ULK4: variants seen among roughly 807,000 people sequenced by gnomAD.
The protein encoded by ULK4 is unc-51 like kinase 4, also known as inactive serine/threonine-protein kinase ULK4.
In ULK4, 133 loss-of-function variants were observed where a neutral mutation model predicts 160.6. The observed-to-expected ratio is 0.83, with a 90% CI of 0.72 to 0.96. ULK4 has a LOEUF of 0.96. ULK4 is among the 40% of genes least tolerant of loss of function. The pLI is 0.00. For missense variants in ULK4, 1,580 were observed against 1,499.5 expected, an observed-to-expected ratio of 1.05 and a Z score of -0.89; for synonymous variants, 534 against 539.8, an observed-to-expected ratio of 0.99 and a Z score of 0.15.
chr3:41,643,684 T>G (rs940009727), intron 30 of ULK4, among the ~76,000 whole-genome samples: 6 of 152,212 alleles, frequency 3.9e-5, no homozygotes, highest in African/African-American at 1.2e-4. Flanking sequence ...GGCTCTTTTT[T>G]GGTTCCATAT....
At chr3:41,353,723 C>T (rs1256143493) in intron 35 of ULK4, among the ~76,000 whole-genome samples, 9 of 149,366 alleles carry the variant, frequency 6.0e-5, no homozygotes, top group African/African-American at 2.0e-4. Flanking sequence ...ACTACTACTA[C>T]TACTACTACT....
intron 17 of ULK4, among the ~76,000 whole-genome samples, chr3:41,860,573 A>G (rs904774127): frequency 1.3e-5 from 2 of 152,156 alleles, no homozygotes; most frequent in South Asian, 2.1e-4. Flanking sequence ...CTGGCATGGA[A>G]TATTTTTTTC....
rs368853523 is a variant in ULK4 at position 41,935,943 on chromosome 3, G to C, written c.239-3C>G. The C allele has an allele frequency of 4.2e-5, 67 of 1,612,224 alleles. No individual in the cohort carries two copies. In the African/African-American group the frequency reaches 8.4e-4, roughly 20 times the overall value. Reference sequence around the variant, plus strand: ...AATAACTGTTTTTAAGGAACCACCTGCAAGAGGTTGATTAAAATCACCCAT... The same window carrying C: ...AATAACTGTTTTTAAGGAACCACCTCCAAGAGGTTGATTAAAATCACCCAT... On this transcript the variant is annotated splice_polypyrimidine_tract_variant and splice_region_variant and intron_variant, in intron 3 of 36. Coordinates refer to ENST00000301831, the MANE Select transcript of ULK4 (RefSeq NM_017886.4).
chr3:41,568,151 G>GA (rs1254362139), intron 31 of ULK4, among the ~76,000 whole-genome samples: 2 of 152,096 alleles, frequency 1.3e-5, no homozygotes, highest in Admixed American at 1.3e-4. Context: ...GAACAAAACA[G>GA]AAAAAAAGCC....
At chr3:41,698,504 T>G (rs973457474) in intron 27 of ULK4, among the ~76,000 whole-genome samples, 1 of 152,138 alleles carries the variant, frequency 6.6e-6, no homozygotes, top group African/African-American at 2.4e-5. Context: ...TTAGGGATGT[T>G]CAACCAATAA....
chr3:41,726,512 T>C (rs1047875676), intron 22 of ULK4, among the ~76,000 whole-genome samples: 1 of 152,226 alleles, frequency 6.6e-6, no homozygotes, highest in African/African-American at 2.4e-5. Context: ...GCAAATGATA[T>C]TTCTCAGTGT....
At chr3:41,468,341 G>C (rs1181268938) in intron 32 of ULK4, among the ~76,000 whole-genome samples, 3 of 152,160 alleles carry the variant, frequency 2.0e-5, no homozygotes, top group Admixed American at 6.5e-5. Context: ...GGTCGAGTAA[G>C]TCCCAAACAG....
chr3:41,606,106 G>A (rs1418947019), intron 31 of ULK4, among the ~76,000 whole-genome samples: 1 of 151,892 alleles, frequency 6.6e-6, no homozygotes, highest in Non-Finnish European at 1.5e-5. Context: ...AGTGCTTAGG[G>A]GGACATTTTA....
rs200716345 is a variant in ULK4, at chr3:41,724,732, C to CA, written c.2322-6872dup. Reference sequence around the variant, plus strand: ...AGTGAGACTCTGTCTCAAAACAAAACAAAAAAAAAATTCCAGTTTTTCTAT... The same window carrying CA: ...AGTGAGACTCTGTCTCAAAACAAAACAAAAAAAAAAATTCCAGTTTTTCTAT... On this transcript the variant is annotated intron_variant, in intron 22 of 36. Transcript: ENST00000301831. 2.4e-3 allele frequency among the ~76,000 whole-genome samples: 351 copies of CA among 148,538 alleles called. 1 individual carries two copies. The highest frequency in any genetic ancestry group is 7.5e-3 in the African/African-American group (302 of 40,504).
intron 17 of ULK4, among the ~76,000 whole-genome samples, chr3:41,851,003 A>C (rs946511030): frequency 6.6e-6 from 1 of 152,210 alleles, no homozygotes; most frequent in African/African-American, 2.4e-5. Flanking sequence ...TTCTAGATAT[A>C]CAATCATCTC....
chr3:41,715,307 G>T lies in ULK4; in HGVS notation c.2578-14C>A, dbSNP rs2037229473. The T allele has an allele frequency of 1.2e-6, 2 of 1,613,362 alleles. No homozygotes were observed. On this transcript the variant is annotated splice_polypyrimidine_tract_variant and intron_variant, in intron 24 of 36. Transcript: ENST00000301831. ...AGGTCGAAATACCTGTGTGATGAGA[G>T]TTTCTACAGATTAAATTCTGGAAGC... is the stretch of plus-strand genomic sequence containing the variant.
rs966733202 is a variant in ULK4 at position 41,673,707 on chromosome 3, T to TAA, written c.2978+7799_2978+7800dup. ...ATATATACATACATACATATATATA[T>TAA]AACTAAAATATATGTTGGCAAAATG... On this transcript the variant is annotated intron_variant, in intron 29 of 36. Coordinates refer to ENST00000301831, the MANE Select transcript of ULK4 (RefSeq NM_017886.4). Among the ~76,000 whole-genome samples the TAA allele has an allele frequency of 1.1e-4, 16 of 149,890 alleles. No individual in the cohort carries two copies. The East Asian group carries it at 1.8e-3, about 16-fold the overall frequency.
intron 5 of ULK4, among the ~76,000 whole-genome samples, chr3:41,930,895 T>G (rs1054837613): frequency 6.6e-6 from 1 of 152,236 alleles, no homozygotes; most frequent in Admixed American, 6.5e-5. Context: ...TTGGTGGGAA[T>G]GTAGATTGGT....
rs566371284 is a variant in ULK4 at position 41,321,725 on chromosome 3, A to C, written c.3679-72151T>G. Reference sequence around the variant, plus strand: ...ACTAAGAGGCAAAATGGTGGAGTTTAACAAGTGTATGACCTTTCCTGAGGA... The same window carrying C: ...ACTAAGAGGCAAAATGGTGGAGTTTCACAAGTGTATGACCTTTCCTGAGGA... On this transcript the variant is annotated intron_variant, in intron 35 of 36. Transcript: ENST00000301831. Among the ~76,000 whole-genome samples the C allele has an allele frequency of 3.0e-5, 4 of 132,482 alleles. No individual in the cohort carries two copies. In the South Asian group the frequency reaches 6.8e-4, roughly 23 times the overall value. 86.9% of individuals were successfully genotyped at this position (132,482 alleles called of 152,430 possible).
chr3:41,628,119 G>C (rs1454918023), intron 30 of ULK4, among the ~76,000 whole-genome samples: 1 of 152,190 alleles, frequency 6.6e-6, no homozygotes, highest in Non-Finnish European at 1.5e-5. Context: ...AAGAAGTGTA[G>C]TCTAGAACAC....
chr3:41,836,758 T>C (rs556765742), intron 17 of ULK4, among the ~76,000 whole-genome samples: 4 of 152,340 alleles, frequency 2.6e-5, no homozygotes, highest in African/African-American at 7.2e-5. Context: ...TGTAATATAA[T>C]GTACGCTGAA....
chr3:41,879,327 T>G (rs1575874099), intron 17 of ULK4, among the ~76,000 whole-genome samples: 1 of 152,150 alleles, frequency 6.6e-6, no homozygotes, highest in Non-Finnish European at 1.5e-5. Context: ...GATATCATTT[T>G]ATTTAAAATA....
chr3:41,775,215 T>A (rs941129615), intron 21 of ULK4, among the ~76,000 whole-genome samples: 1 of 150,356 alleles, frequency 6.7e-6, no homozygotes, highest in East Asian at 1.9e-4. Context: ...AAAAGTATAA[T>A]AATAATAAAA....
chr3:41,515,153 A>G (rs1175976056), intron 32 of ULK4, among the ~76,000 whole-genome samples: 2 of 152,044 alleles, frequency 1.3e-5, no homozygotes, highest in African/African-American at 4.8e-5. Flanking sequence ...CCTACTTAGG[A>G]GGCTAAGGCA....
Sources: allele counts gnomAD v4.1 joint callset (sites outside exome capture counted in the v4.1 genomes callset), GRCh38; gene constraint gnomAD v4.1.1; transcripts MANE v1.5; gene names NCBI Gene and HGNC (gene_info 2026-07-23, HGNC 2026-07-21).